IGF2BP2: variants seen among roughly 807,000 people sequenced by gnomAD.
IGF2BP2 encodes insulin like growth factor 2 mRNA binding protein 2.
Under a neutral mutation model 75.8 loss-of-function variants are expected in IGF2BP2, and 17 were observed. That is an observed-to-expected ratio of 0.22 (90% confidence interval 0.15 to 0.34). The LOEUF is 0.34. IGF2BP2 is among the 10% of genes least tolerant of loss of function. The pLI is 1.00. For missense variants in IGF2BP2, 516 were observed against 772.4 expected (o/e 0.67, Z 3.93); for synonymous variants, 288 against 295.6 (o/e 0.97, Z 0.26).
intron 3 of IGF2BP2, among the ~76,000 whole-genome samples, chr3:185,697,000 C>T (rs1240475470): frequency 6.6e-6 from 1 of 152,236 alleles, no homozygotes; most frequent in East Asian, 1.9e-4. Flanking sequence ...ACTCACTCCA[C>T]TTTCTTGAAA....
chr3:185,763,686 T>C (rs1732674465), intron 2 of IGF2BP2, among the ~76,000 whole-genome samples: 2 of 152,198 alleles, frequency 1.3e-5, no homozygotes, highest in African/African-American at 2.4e-5. Context: ...ATATAAAATC[T>C]GTAACAGACA....
chr3:185,780,347 C>T (rs1735049493), intron 2 of IGF2BP2, among the ~76,000 whole-genome samples: 1 of 152,166 alleles, frequency 6.6e-6, no homozygotes, highest in African/African-American at 2.4e-5. Flanking sequence ...GAATACATCA[C>T]TTATCACCTG....
intron 2 of IGF2BP2, among the ~76,000 whole-genome samples, chr3:185,814,630 G>C (rs771341357): frequency 2.0e-5 from 3 of 152,138 alleles, no homozygotes; most frequent in Non-Finnish European, 2.9e-5. Flanking sequence ...ACTGAGGAAA[G>C]TAATTATTTT....
At chr3:185,673,691 T>A (rs1374472006) in intron 9 of IGF2BP2, among the ~76,000 whole-genome samples, 1 of 152,250 alleles carries the variant, frequency 6.6e-6, no homozygotes, top group Non-Finnish European at 1.5e-5. Context: ...ACATTCACAC[T>A]GTAACTTGCC....
intron 2 of IGF2BP2, among the ~76,000 whole-genome samples, chr3:185,815,714 A>T (rs1410834718): frequency 6.6e-6 from 1 of 152,192 alleles, no homozygotes; most frequent in African/African-American, 2.4e-5. Flanking sequence ...GGGAGTTGGA[A>T]ATAACCTTCT....
intron 2 of IGF2BP2, among the ~76,000 whole-genome samples, chr3:185,720,921 G>A (rs1053474124): frequency 2.0e-5 from 3 of 152,204 alleles, no homozygotes; most frequent in African/African-American, 7.2e-5. Flanking sequence ...CAGTGCAGCA[G>A]ACACAGGGAA....
Position 185,685,532 on chromosome 3 carries a change from G to A in IGF2BP2, c.812+1525C>T, listed in dbSNP as rs1032726293. ...AGATTTGTAATGTTCTTCTTTTAAG[G>A]ACCATTTTCATCTTGGTTTTGGAAC... On this transcript the variant is annotated intron_variant, in intron 7 of 15. Coordinates refer to ENST00000382199, the MANE Select transcript of IGF2BP2 (RefSeq NM_006548.6). 2.0e-5 allele frequency among the ~76,000 whole-genome samples: 3 copies of A among 152,144 alleles called. No individual in the cohort carries two copies. In the South Asian group the frequency reaches 6.2e-4, roughly 32 times the overall value.
chr3:185,733,821 T>C (rs968788747), intron 2 of IGF2BP2, among the ~76,000 whole-genome samples: 2 of 151,968 alleles, frequency 1.3e-5, no homozygotes, highest in African/African-American at 4.8e-5. Context: ...AACAAGCACA[T>C]TAAAAACAAA....
intron 10 of IGF2BP2, among the ~76,000 whole-genome samples, chr3:185,662,840 G>T (rs938807269): frequency 1.3e-5 from 2 of 151,906 alleles, no homozygotes; most frequent in Non-Finnish European, 2.9e-5. Context: ...ACTGCAGCTG[G>T]CTAATTTTTT....
At chr3:185,711,642 T>C (rs1464472513) in intron 2 of IGF2BP2, among the ~76,000 whole-genome samples, 1 of 152,228 alleles carries the variant, frequency 6.6e-6, no homozygotes, top group Non-Finnish European at 1.5e-5. Flanking sequence ...GTGAACGACC[T>C]ACCTGGCTCA....
intron 4 of IGF2BP2, among the ~76,000 whole-genome samples, chr3:185,695,852 G>A (rs1210441549): frequency 6.6e-5 from 10 of 152,164 alleles, no homozygotes; most frequent in East Asian, 3.9e-4. Flanking sequence ...GTTCAGTGGT[G>A]TAATCTCGGT....
At chr3:185,717,556 G>T (rs906606815) in intron 2 of IGF2BP2, 1 of 152,224 alleles carries the variant, frequency 6.6e-6, no homozygotes, top group African/African-American at 2.4e-5. Flanking sequence ...AAGAAAAAAG[G>T]TTTGTAAAGG....
intron 2 of IGF2BP2, among the ~76,000 whole-genome samples, chr3:185,785,016 G>A (rs1226349468): frequency 1.3e-5 from 2 of 151,992 alleles, no homozygotes; most frequent in African/African-American, 4.8e-5. Flanking sequence ...AACAGCTGAC[G>A]TGGGACAGGC....
At chr3:185,737,307 A>G (rs1366867366) in intron 2 of IGF2BP2, among the ~76,000 whole-genome samples, 1 of 152,158 alleles carries the variant, frequency 6.6e-6, no homozygotes, top group Non-Finnish European at 1.5e-5. Flanking sequence ...CCCTCCCTTA[A>G]TAAACATTCT....
intron 2 of IGF2BP2, among the ~76,000 whole-genome samples, chr3:185,818,625 T>C (rs1297820997): frequency 6.6e-6 from 1 of 152,148 alleles, no homozygotes; most frequent in African/African-American, 2.4e-5. Flanking sequence ...AGAGGAAACA[T>C]TTAGCTCAAA....
intron 2 of IGF2BP2, among the ~76,000 whole-genome samples, chr3:185,782,051 T>C (rs1452351317): frequency 6.6e-6 from 1 of 152,204 alleles, no homozygotes; most frequent in Non-Finnish European, 1.5e-5. Context: ...ATATTTCCCA[T>C]AACCATTTAA....
intron 2 of IGF2BP2, among the ~76,000 whole-genome samples, chr3:185,704,886 C>T (rs188972346): frequency 3.9e-4 from 59 of 152,224 alleles, no homozygotes; most frequent in Admixed American, 2.8e-3. Context: ...CAATTGCCTC[C>T]GCCTCTATGG....
In IGF2BP2 at chr3:185,782,962, T is replaced by TAACC. The variant is rs538359442; in HGVS notation, c.239+40187_239+40190dup. Among the ~76,000 whole-genome samples the TAACC allele has an allele frequency of 7.1e-4, 108 of 152,330 alleles. 1 individual carries two copies. Among genetic ancestry groups the TAACC allele is most frequent in the African/African-American group, 2.1e-3 (86 of 41,576 alleles). On this transcript the variant is annotated intron_variant, in intron 2 of 15. Transcript: ENST00000382199. ...TATGAAGAAGTTATGTAGTTGGGAT[T>TAACC]AACCACCTGTCAGCTGTGGGCCTTG... is the stretch of plus-strand genomic sequence containing the variant.
intron 2 of IGF2BP2, among the ~76,000 whole-genome samples, chr3:185,713,074 ATGTGTGTGTGTG>A (rs201252245): frequency 1.4e-5 from 2 of 144,486 alleles, no homozygotes; most frequent in South Asian, 4.5e-4. Context: ...ACAGATATGT[ATGTGTGTGTGTG>A]TGTGTGTGTG....
Sources: gnomAD v4.1 joint callset for allele counts (sites outside exome capture counted in the v4.1 genomes callset) on GRCh38, gnomAD v4.1.1 for gene constraint, MANE v1.5 for transcripts, NCBI Gene and HGNC (gene_info 2026-07-23, HGNC 2026-07-21) for gene names.